Variants in FRMD4A observed in about 807,000 individuals in gnomAD.
The protein encoded by FRMD4A is FERM domain containing 4A, also known as FERM domain-containing protein 4A.
FRMD4A carries 29 observed loss-of-function variants against 129.1 expected under a neutral mutation model. That is an observed-to-expected ratio of 0.22 (90% CI 0.17 to 0.31). The LOEUF (loss-of-function observed/expected upper bound fraction) is 0.31. Among genes scored for constraint, FRMD4A ranks in the 10% least tolerant of loss-of-function variants. The probability of loss-of-function intolerance (pLI) is 1.00; values close to 1 mark genes in which losing one functional copy is unlikely to be tolerated. For missense variants in FRMD4A, 1,272 were observed against 1,375.8 expected, an observed-to-expected ratio of 0.92 and a Z score of 1.19; for synonymous variants, 634 against 571.6, an observed-to-expected ratio of 1.11 and a Z score of -1.56.
intron 23 of FRMD4A, chr10:13,652,831 T>C (rs570215403): frequency 2.0e-4 from 31 of 152,356 alleles, no homozygotes; most frequent in African/African-American, 7.2e-4. Context: ...GTTTTGGATT[T>C]TTTTTGTGTT....
chr10:13,896,529 G>T (rs2094760448), intron 2 of FRMD4A, among the ~76,000 whole-genome samples: 1 of 152,102 alleles, frequency 6.6e-6, no homozygotes, highest in Non-Finnish European at 1.5e-5. Flanking sequence ...GGGTCTGAGG[G>T]GCAAGGGGAG....
At chr10:13,874,189 T>C (rs1589121744) in intron 2 of FRMD4A, among the ~76,000 whole-genome samples, 1 of 132,624 alleles carries the variant, frequency 7.5e-6, no homozygotes, top group South Asian at 2.4e-4. Context: ...CAGGTTGTGG[T>C]GAGCCGAGAT....
At position 13,749,424 on chromosome 10, in the gene FRMD4A, C is replaced by T. The variant is rs76409234; in HGVS notation, c.465-1605G>A. 1.8e-3 allele frequency among the ~76,000 whole-genome samples: 267 copies of T among 151,970 alleles called. 4 individuals are homozygous for T. In the East Asian group the frequency reaches 0.047, roughly 27 times the overall value. On this transcript the variant is annotated intron_variant, in intron 8 of 24. Transcript: ENST00000357447. ...TAACTCTGAAGGAAGGAAGGAATAC[C>T]GCAGCCATAGAGGGGAGTTCCTCAG... is the stretch of plus-strand genomic sequence containing the variant.
chr10:14,143,739 C>T (rs1839947563), intron 2 of FRMD4A, among the ~76,000 whole-genome samples: 1 of 152,058 alleles, frequency 6.6e-6, no homozygotes, highest in Non-Finnish European at 1.5e-5. Flanking sequence ...CTCAGCCTCC[C>T]CAGTATCTGG....
chr10:13,781,220 C>G (rs2130776569), intron 6 of FRMD4A, among the ~76,000 whole-genome samples: 1 of 142,634 alleles, frequency 7.0e-6, no homozygotes, highest in East Asian at 2.3e-4. Context: ...AGGAGGATCA[C>G]TTGAACCCAG....
chr10:13,932,150 A>T (rs1451761983), intron 2 of FRMD4A, among the ~76,000 whole-genome samples: 1 of 152,238 alleles, frequency 6.6e-6, no homozygotes, highest in Non-Finnish European at 1.5e-5. Flanking sequence ...CCATTGACCA[A>T]GTCTAAGTTT....
chr10:14,152,121 T>C (rs1209636727), intron 2 of FRMD4A, among the ~76,000 whole-genome samples: 6 of 120,916 alleles, frequency 5.0e-5, no homozygotes, highest in East Asian at 4.6e-4. Context: ...GTAGTGCTTT[T>C]TTTTTTTTTT....
chr10:14,296,905 G>A (rs565196740), intron 2 of FRMD4A, among the ~76,000 whole-genome samples: 3 of 152,124 alleles, frequency 2.0e-5, no homozygotes, highest in Non-Finnish European at 4.4e-5. Flanking sequence ...TGGCCTTTGT[G>A]CTCCAGTCCT....
At chr10:14,089,640 C>CAAAAAAAAA (rs759243260) in intron 2 of FRMD4A, among the ~76,000 whole-genome samples, 1 of 70,272 alleles carries the variant, frequency 1.4e-5, no homozygotes, top group African/African-American at 5.0e-5. Flanking sequence ...CAAAAAAAAA[C>CAAAAAAAAA]AAACAAAAAA....
chr10:13,792,211 C>T (rs761084436), intron 5 of FRMD4A, among the ~76,000 whole-genome samples: 1 of 152,200 alleles, frequency 6.6e-6, no homozygotes, highest in Non-Finnish European at 1.5e-5. Context: ...GTGCACTTGT[C>T]CTGAACACCA....
At chr10:13,902,456 GGAGA>G (rs140040052) in intron 2 of FRMD4A, among the ~76,000 whole-genome samples, 81 of 127,776 alleles carry the variant, frequency 6.3e-4, no homozygotes, top group Admixed American at 1.4e-3. Flanking sequence ...GCAAAATACT[GGAGA>G]GAGAGAGAGA....
At chr10:14,187,414 T>C (rs1275431087) in intron 2 of FRMD4A, among the ~76,000 whole-genome samples, 5 of 152,198 alleles carry the variant, frequency 3.3e-5, no homozygotes, top group African/African-American at 9.7e-5. Flanking sequence ...TCTTTCTTTT[T>C]CAACATACTG....
At chr10:14,040,988 G>C (rs1833757526) in intron 2 of FRMD4A, among the ~76,000 whole-genome samples, 1 of 152,196 alleles carries the variant, frequency 6.6e-6, no homozygotes, top group Non-Finnish European at 1.5e-5. Context: ...CAGGATTTTG[G>C]AGTGGAATAA....
intron 12 of FRMD4A, among the ~76,000 whole-genome samples, 181 bp downstream of exon 12, chr10:13,737,662 AG>A (rs1564717089): frequency 1.3e-5 from 2 of 152,034 alleles, no homozygotes; most frequent in African/African-American, 4.8e-5. Flanking sequence ...GAGAAAAAAA[AG>A]AAAAAATATT....
intron 2 of FRMD4A, among the ~76,000 whole-genome samples, chr10:13,934,735 TAAAC>T (rs1169959439): frequency 6.6e-6 from 1 of 152,184 alleles, no homozygotes; most frequent in Non-Finnish European, 1.5e-5. Context: ...TCATTTCAGA[TAAAC>T]TAGAAATGGA....
At chr10:14,112,339 C>T (rs1837956087) in intron 2 of FRMD4A, among the ~76,000 whole-genome samples, 2 of 151,844 alleles carry the variant, frequency 1.3e-5, no homozygotes, top group African/African-American at 2.4e-5. Context: ...GGCAGGTGTG[C>T]CTGATGGAGG....
rs998553544 is a variant in FRMD4A at position 14,319,638 on chromosome 10, AGGT to A, written c.45+10417_45+10419del. ...GGTACAAACACTGTCTTGCATCACAAGGTGATTACACTCCATTAGAATGCACCT... is the reference window on the plus strand; with the variant it reads ...GGTACAAACACTGTCTTGCATCACAAGATTACACTCCATTAGAATGCACCT... On this transcript the variant is annotated intron_variant, in intron 2 of 24. Coordinates refer to ENST00000357447, the MANE Select transcript of FRMD4A (RefSeq NM_018027.5). 5.3e-5 allele frequency among the ~76,000 whole-genome samples: 8 copies of A among 152,190 alleles called. No homozygotes were observed. The East Asian group carries it at 1.2e-3, about 22-fold the overall frequency.
rs1484752635 is a variant in FRMD4A at position 13,644,997 on chromosome 10, A to C, written c.*2041T>G. The C allele has an allele frequency of 2.0e-5, 3 of 152,230 alleles. No homozygotes were observed. The highest frequency in any genetic ancestry group is 4.4e-5 in the Non-Finnish European group (3 of 68,082). 9.4% of individuals were successfully genotyped at this position (152,230 alleles called of 1,614,324 possible). A position where few individuals can be genotyped will look rare whatever the true frequency, so the allele number is the denominator to read the frequency against. ...AGTCCAGCCATGCATGGAGCTGGGG[A>C]AAGCAGGCCCTGAATTGTCTAGAGA... On this transcript the variant is annotated 3_prime_UTR_variant, in exon 25 of 25. Transcript: ENST00000357447.
At chr10:13,755,460 T>A (rs1330186864) in intron 8 of FRMD4A, among the ~76,000 whole-genome samples, 1 of 152,198 alleles carries the variant, frequency 6.6e-6, no homozygotes, top group African/African-American at 2.4e-5. Flanking sequence ...TTATAGAAGA[T>A]AAAATACTAA....
Sources: gnomAD v4.1 joint callset for allele counts (sites outside exome capture counted in the v4.1 genomes callset) on GRCh38, gnomAD v4.1.1 for gene constraint, MANE v1.5 for transcripts, NCBI Gene and HGNC (gene_info 2026-07-23, HGNC 2026-07-21) for gene names.